PHLDB2: variants seen among roughly 807,000 people sequenced by gnomAD.
PHLDB2 encodes pleckstrin homology like domain family B member 2.
Under a neutral mutation model 123.6 loss-of-function variants are expected in PHLDB2, and 71 were observed. That is an observed-to-expected ratio of 0.57 (90% CI 0.47 to 0.70). The LOEUF is 0.70. Ranked by LOEUF, PHLDB2 falls within the 30% of genes least tolerant of loss-of-function variation. The pLI, the probability that PHLDB2 is intolerant of heterozygous loss-of-function variation, is 0.00. For missense variants in PHLDB2, 1,446 were observed against 1,519.5 expected (o/e 0.95, Z 0.80); for synonymous variants, 547 against 541.6 (o/e 1.01, Z -0.14).
intron 6 of PHLDB2, among the ~76,000 whole-genome samples, chr3:111,935,155 A>G (rs973994738): frequency 8.0e-6 from 1 of 125,774 alleles, no homozygotes. Context: ...GCTGGAGGGT[A>G]GTAGTGCGAT....
At position 111,859,305 on chromosome 3, in the gene PHLDB2, A is replaced by C. The variant is rs1424333245; in HGVS notation, c.-286A>C. 1 of 985,444 alleles carries C rather than the reference A, an allele frequency of 1.0e-6. No homozygotes were observed. The highest frequency in any genetic ancestry group is 1.2e-6 in the Non-Finnish European group (1 of 829,986). 61.0% of individuals were successfully genotyped at this position (985,444 alleles called of 1,614,324 possible). On this transcript the variant is annotated 5_prime_UTR_variant, in exon 1 of 18. Transcript: ENST00000431670. ...ACGTAGCTTTGAGAAGCTGGCGCCCAGTGATGGGGCAAACAGCCATGCCCT... is the reference window on the plus strand; with the variant it reads ...ACGTAGCTTTGAGAAGCTGGCGCCCCGTGATGGGGCAAACAGCCATGCCCT...
At chr3:111,904,269 C>A (rs1442037709) in intron 2 of PHLDB2, among the ~76,000 whole-genome samples, 3 of 4,668 alleles carry the variant, frequency 6.4e-4, no homozygotes, top group South Asian at 2.6e-3. Flanking sequence ...CAGAGTGAGA[C>A]CCTGTCTCAA....
Position 111,813,594 on chromosome 3 carries a change from T to C in PHLDB2, c.-48-32227T>C, listed in dbSNP as rs564551117. 1.4e-4 allele frequency among the ~76,000 whole-genome samples: 22 copies of C among 152,234 alleles called. No individual in the cohort carries two copies. In the South Asian group the frequency reaches 2.1e-3, roughly 14 times the overall value. On this transcript the variant is annotated intron_variant, in intron 1 of 17. Coordinates refer to the PHLDB2 transcript ENST00000393923. Reference sequence around the variant, plus strand: ...ACAACATTCAAAATTATACAAATCTTTGGAATTCTTAGTGGAAAAATGACT... The same window carrying C: ...ACAACATTCAAAATTATACAAATCTCTGGAATTCTTAGTGGAAAAATGACT...
intron 1 of PHLDB2, among the ~76,000 whole-genome samples, chr3:111,860,264 T>C (rs1050107066): frequency 2.0e-5 from 3 of 152,100 alleles, no homozygotes; most frequent in Non-Finnish European, 2.9e-5. Flanking sequence ...CCGCAAATAT[T>C]TGGCTAGCTG....
chr3:111,893,649 C>CT (rs36030335), intron 2 of PHLDB2, among the ~76,000 whole-genome samples: 8,541 of 143,602 alleles, frequency 0.059, 302 homozygotes, highest in Non-Finnish European at 0.08. Flanking sequence ...AATTCTCTAC[C>CT]TTTTTTTTTT....
At chr3:111,789,753 C>G (rs1335907705) in intron 1 of PHLDB2, among the ~76,000 whole-genome samples, 1 of 152,188 alleles carries the variant, frequency 6.6e-6, no homozygotes, top group Non-Finnish European at 1.5e-5. Context: ...CAGCGACCAA[C>G]AAATAGCAGT....
chr3:111,873,926 G>A (rs961519554), intron 1 of PHLDB2, among the ~76,000 whole-genome samples: 4 of 152,114 alleles, frequency 2.6e-5, no homozygotes, highest in Non-Finnish European at 4.4e-5. Flanking sequence ...AACTATAAGC[G>A]AGAAATACAC....
At chr3:111,849,901 G>A (rs1000992789) in intron 2 of PHLDB2, among the ~76,000 whole-genome samples, 17 of 150,042 alleles carry the variant, frequency 1.1e-4, no homozygotes, top group African/African-American at 3.7e-4. Context: ...TCGCTCTGTC[G>A]CCCAGGCTAG....
At chr3:111,775,977 T>G (rs2060261115) in intron 1 of PHLDB2, among the ~76,000 whole-genome samples, 1 of 152,170 alleles carries the variant, frequency 6.6e-6, no homozygotes, top group African/African-American at 2.4e-5. Flanking sequence ...TGGAACGTAT[T>G]TAGCTCTTTT....
chr3:111,913,834 T>G, intron 3 of PHLDB2, 132 bp downstream of exon 3: 1 of 1,260,026 alleles, frequency 7.9e-7, no homozygotes, highest in South Asian at 1.5e-5. Context: ...TAAGAGGTCA[T>G]TAGCTGAGCG....
intron 1 of PHLDB2, among the ~76,000 whole-genome samples, chr3:111,795,793 A>G (rs2061131793): frequency 6.6e-6 from 1 of 151,842 alleles, no homozygotes; most frequent in South Asian, 2.1e-4. Flanking sequence ...GATGTGATCT[A>G]GGCTCACTGC....
rs1337225709 is a variant in PHLDB2, at chr3:111,832,383, CAAAAAACA to C, written c.-48-13425_-48-13418del. ...AATATGTTCTTATTTTTTAAAAAAACAAAAAACAAAAAAACAAAAAGATAAATTGTACC... is the reference window on the plus strand; with the variant it reads ...AATATGTTCTTATTTTTTAAAAAAACAAAAAACAAAAAGATAAATTGTACC... On this transcript the variant is annotated intron_variant, in intron 1 of 17. Coordinates refer to the PHLDB2 transcript ENST00000393923. Among the ~76,000 whole-genome samples, 8 of 109,322 alleles carry C rather than the reference CAAAAAACA, an allele frequency of 7.3e-5. 1 individual carries two copies. In the South Asian group the frequency reaches 2.4e-3, roughly 33 times the overall value. 71.7% of individuals were successfully genotyped at this position (109,322 alleles called of 152,430 possible).
At chr3:111,822,648 T>C (rs1226344401) in intron 1 of PHLDB2, among the ~76,000 whole-genome samples, 1 of 152,150 alleles carries the variant, frequency 6.6e-6, no homozygotes, top group Non-Finnish European at 1.5e-5. Context: ...CTATGAGCTC[T>C]GGTAAACATT....
rs1553755188 is a variant in PHLDB2 at position 111,962,946 on chromosome 3, A to AAG, written c.3077+635_3077+636insGA. ...CTCCATCTCAAAAAAAAAAAAAAAA[A>AAG]AAAGAAAGAAAGAAAAAGAAAAGGA... On this transcript the variant is annotated intron_variant, in intron 13 of 17. Coordinates refer to ENST00000431670, the MANE Select transcript of PHLDB2 (RefSeq NM_001134438.2). Among the ~76,000 whole-genome samples, 22 of 143,600 alleles carry AAG rather than the reference A, an allele frequency of 1.5e-4. 1 individual carries two copies. Among genetic ancestry groups the AAG allele is most frequent in the South Asian group, 1.3e-3 (6 of 4,646 alleles). The allele number at this position is 143,600 out of a possible 152,430, so 94.2% of individuals were successfully genotyped here. A position where few individuals can be genotyped will look rare whatever the true frequency, so the allele number is the denominator to read the frequency against.
chr3:111,917,103 T>TTG (rs2068226292), intron 3 of PHLDB2: 1 of 152,238 alleles, frequency 6.6e-6, no homozygotes, highest in Admixed American at 6.5e-5. Flanking sequence ...CCTCACCCCA[T>TTG]TCTATCATAA....
chr3:111,886,959 C>CAGAAT (rs1403730811), intron 2 of PHLDB2, among the ~76,000 whole-genome samples: 3 of 152,176 alleles, frequency 2.0e-5, no homozygotes, highest in African/African-American at 7.2e-5. Flanking sequence ...TTTATAAAGC[C>CAGAAT]AGAATATTAA....
intron 9 of PHLDB2, among the ~76,000 whole-genome samples, chr3:111,946,144 C>G (rs1212382911): frequency 6.6e-6 from 1 of 152,112 alleles, no homozygotes; most frequent in African/African-American, 2.4e-5. Flanking sequence ...GTCTCAGCCT[C>G]CTGAGTAGCT....
intron 1 of PHLDB2, among the ~76,000 whole-genome samples, chr3:111,787,272 G>A (rs113437259): frequency 6.6e-6 from 1 of 152,156 alleles, no homozygotes; most frequent in Non-Finnish European, 1.5e-5. Context: ...AGGTGAATGT[G>A]TTCCCTGTTT....
At chr3:111,817,796 G>C (rs1375063625) in intron 1 of PHLDB2, among the ~76,000 whole-genome samples, 1 of 152,106 alleles carries the variant, frequency 6.6e-6, no homozygotes, top group Admixed American at 6.6e-5. Context: ...CAGTTTAGCT[G>C]ACTGAGTTAT....
Sources: gnomAD v4.1 joint callset for allele counts (sites outside exome capture counted in the v4.1 genomes callset) on GRCh38, gnomAD v4.1.1 for gene constraint, MANE v1.5 for transcripts, NCBI Gene and HGNC (gene_info 2026-07-23, HGNC 2026-07-21) for gene names.